The following RAB11FIP5 variants were observed in gnomAD, a reference collection of about 807,000 sequenced individuals.
The protein encoded by RAB11FIP5 is RAB11 family interacting protein 5.
RAB11FIP5 carries 48 observed loss-of-function variants against 85.1 expected under a neutral mutation model. That is an observed-to-expected ratio of 0.56 (90% CI 0.45 to 0.72). The LOEUF is 0.72. Ranked by LOEUF, RAB11FIP5 falls within the 30% of genes least tolerant of loss-of-function variation. The pLI is 0.00. For synonymous variants in RAB11FIP5, 729 were observed against 727.3 expected (o/e 1.00, Z -0.04); for missense variants, 1,491 against 1,687.0 (o/e 0.88, Z 2.04).
chr2:73,099,033 GT>G (rs112316838), intron 1 of RAB11FIP5, among the ~76,000 whole-genome samples: 2,526 of 136,026 alleles, frequency 0.019, 68 homozygotes, highest in African/African-American at 0.065. Flanking sequence ...ATGCTTTTTT[GT>G]TTTTTTTTTC....
In RAB11FIP5 at chr2:73,080,601, C is replaced by A. The variant is rs1272465468; in HGVS notation, c.2631G>T (p.Gly877=). ...PETVSPKGSE[G]LPPPEPEPKP... is the part of the protein sequence containing the mutation. Reference sequence around the variant, plus strand: ...TAGGCTCGGGCTCCGGTGGGGGAAGCCCCTCGCTCCCCTTGGGGCTCACAG... The same window carrying A: ...TAGGCTCGGGCTCCGGTGGGGGAAGACCCTCGCTCCCCTTGGGGCTCACAG... The change falls in exon 4 of 6, where the codon GGG becomes GGT. Residue 877 remains glycine, a synonymous_variant. Coordinates refer to ENST00000486777, the MANE Select transcript of RAB11FIP5 (RefSeq NM_001371272.1). The A allele has an allele frequency of 6.5e-6, 8 of 1,232,342 alleles. No homozygotes were observed. The highest frequency in any genetic ancestry group is 8.2e-5 in the South Asian group (2 of 24,328). The allele number at this position is 1,232,342 out of a possible 1,614,324, so 76.3% of individuals were successfully genotyped here. A position where few individuals can be genotyped will look rare whatever the true frequency, so the allele number is the denominator to read the frequency against.
intron 1 of RAB11FIP5, among the ~76,000 whole-genome samples, chr2:73,099,051 CTTTTTTT>C (rs1036385402): frequency 4.7e-5 from 5 of 105,880 alleles, no homozygotes; most frequent in Admixed American, 2.2e-4. Context: ...TTTCTTTTTT[CTTTTTTT>C]TTTTTTTTGA....
chr2:73,083,249 A>C (rs1684028369), intron 3 of RAB11FIP5, among the ~76,000 whole-genome samples: 1 of 152,158 alleles, frequency 6.6e-6, no homozygotes, highest in African/African-American at 2.4e-5. Context: ...CCCAGGGCCC[A>C]AAGAGGGCAG....
In RAB11FIP5 at chr2:73,086,699, C is replaced by G. The variant is rs1684094905; in HGVS notation, c.1568+1351G>C. ...GCTGTCACAGGGACACCAGGCTCAG[C>G]CTGGCATCTGGGAAAGGCCTGTCCC... On this transcript the variant is annotated intron_variant, in intron 3 of 5. Coordinates refer to ENST00000486777, the MANE Select transcript of RAB11FIP5 (RefSeq NM_001371272.1). The surrounding 1 kb of genome is among the most constrained non-coding windows in gnomAD (Gnocchi z 4.4). Among the ~76,000 whole-genome samples, 1 of 152,186 alleles carries G rather than the reference C, an allele frequency of 6.6e-6. No individual in the cohort carries two copies. Among genetic ancestry groups the G allele is most frequent in the Non-Finnish European group, 1.5e-5 (1 of 68,030 alleles).
chr2:73,112,007 T>C (rs1360210476), intron 1 of RAB11FIP5, among the ~76,000 whole-genome samples: 2 of 152,172 alleles, frequency 1.3e-5, no homozygotes, highest in African/African-American at 4.8e-5. Context: ...CCGGAGGTTC[T>C]AAGAACGGCC....
chr2:73,089,487 T>G lies in RAB11FIP5; in HGVS notation c.432-172A>C, dbSNP rs745418567. 21 of 737,334 alleles carry G rather than the reference T, an allele frequency of 2.8e-5. No homozygotes were observed. In the South Asian group the frequency reaches 3.0e-4, roughly 11 times the overall value. The allele number at this position is 737,334 out of a possible 1,614,324, so 45.7% of individuals were successfully genotyped here. A position where few individuals can be genotyped will look rare whatever the true frequency, so the allele number is the denominator to read the frequency against. ...TGGGCTTCCAGGCTTCAGATGCAGCTGAGAAACTATCCAAAACATTTCCAT... is the reference window on the plus strand; with the variant it reads ...TGGGCTTCCAGGCTTCAGATGCAGCGGAGAAACTATCCAAAACATTTCCAT... On this transcript the variant is annotated intron_variant, in intron 1 of 5. Coordinates refer to ENST00000486777, the MANE Select transcript of RAB11FIP5 (RefSeq NM_001371272.1). The surrounding 1 kb of genome is among the most constrained non-coding windows in gnomAD (Gnocchi z 4.6).
At chr2:73,101,241 T>G (rs904656651) in intron 1 of RAB11FIP5, among the ~76,000 whole-genome samples, 1 of 151,464 alleles carries the variant, frequency 6.6e-6, no homozygotes, top group African/African-American at 2.4e-5. Flanking sequence ...GGCTACAATG[T>G]GTGACAGTCT....
At position 73,089,882 on chromosome 2, in the gene RAB11FIP5, T is replaced by C. The variant is rs1011275691; in HGVS notation, c.432-567A>G. 4.1e-5 allele frequency among the ~76,000 whole-genome samples: 6 copies of C among 148,126 alleles called. No individual in the cohort carries two copies. Among genetic ancestry groups the C allele is most frequent in the African/African-American group, 1.0e-4 (4 of 40,146 alleles). Reference sequence around the variant, plus strand: ...GCTAGTGCATACACTCATGTATGTATACACACACACACACACACACACACA... The same window carrying C: ...GCTAGTGCATACACTCATGTATGTACACACACACACACACACACACACACA... On this transcript the variant is annotated intron_variant, in intron 1 of 5. Coordinates refer to ENST00000486777, the MANE Select transcript of RAB11FIP5 (RefSeq NM_001371272.1). This position sits in a 1 kb window ranked among gnomAD's most constrained non-coding sequence, Gnocchi z 4.6.
In RAB11FIP5 at chr2:73,075,574, T is replaced by G. The variant is rs770458403; in HGVS notation, c.3922A>C (p.Ile1308Leu). The G allele has an allele frequency of 6.2e-7, 1 of 1,614,070 alleles. No homozygotes were observed. The highest frequency in any genetic ancestry group is 8.5e-7 in the Non-Finnish European group (1 of 1,179,974). ...ESYIDRLLVR[I>L]METSPTLLQI... is the part of the protein sequence containing the mutation. Reference sequence around the variant, plus strand: ...AGCAGCGTGGGTGAGGTCTCCATGATCCGCACCAGCAGCCGGTCGATGTAG... The same window carrying G: ...AGCAGCGTGGGTGAGGTCTCCATGAGCCGCACCAGCAGCCGGTCGATGTAG... The change falls in exon 6 of 6, where the codon ATC becomes CTC. Residue 1308 changes from isoleucine (I) to leucine (L), a missense_variant. By Grantham distance (5) the Ile-to-Leu change is conservative (BLOSUM62 2). Coordinates refer to ENST00000486777, the MANE Select transcript of RAB11FIP5 (RefSeq NM_001371272.1). This position sits in a 1 kb window ranked among gnomAD's most constrained non-coding sequence, Gnocchi z 4.6.
chr2:73,092,942 G>C (rs1260743733), intron 1 of RAB11FIP5, among the ~76,000 whole-genome samples: 1 of 152,152 alleles, frequency 6.6e-6, no homozygotes, highest in Non-Finnish European at 1.5e-5. Flanking sequence ...AACCAGAGCA[G>C]ACCTTCTCCC....
At chr2:73,091,204 G>A (rs1010511737) in intron 1 of RAB11FIP5, among the ~76,000 whole-genome samples, 1 of 152,160 alleles carries the variant, frequency 6.6e-6, no homozygotes, top group Non-Finnish European at 1.5e-5. Flanking sequence ...ACAGACACAT[G>A]CCAACAGATA....
intron 3 of RAB11FIP5, among the ~76,000 whole-genome samples, 159 bp downstream of exon 3, chr2:73,087,891 C>T (rs955798498): frequency 6.6e-6 from 1 of 152,130 alleles, no homozygotes; most frequent in Non-Finnish European, 1.5e-5. Flanking sequence ...ACAGAACGAA[C>T]CTTGGCTTAG....
In RAB11FIP5 at chr2:73,076,023, A is replaced by G. The variant is rs1460199617; in HGVS notation, c.3741T>C (p.Ala1247=). The change falls in exon 5 of 6, where the codon GCT becomes GCC. Residue 1247 remains alanine (A), a synonymous_variant. Coordinates refer to ENST00000486777, the MANE Select transcript of RAB11FIP5 (RefSeq NM_001371272.1). Reference sequence around the variant, plus strand: ...GCCTTTTGGTGTCCACCATCTGGCCAGCCTGGGGGGCCTGGGTCACAGGCT... The same window carrying G: ...GCCTTTTGGTGTCCACCATCTGGCCGGCCTGGGGGGCCTGGGTCACAGGCT... ...SIQPVTQAPQ[A]GQMVDTKRLK... is the part of the protein sequence containing the mutation. The G allele has an allele frequency of 1.2e-6, 2 of 1,613,856 alleles. No individual in the cohort carries two copies. Among genetic ancestry groups the G allele is most frequent in the Non-Finnish European group, 1.7e-6 (2 of 1,179,864 alleles).
At chr2:73,098,455 G>A (rs1684365918) in intron 1 of RAB11FIP5, among the ~76,000 whole-genome samples, 1 of 152,356 alleles carries the variant, frequency 6.6e-6, no homozygotes, top group South Asian at 2.1e-4. Flanking sequence ...GGAGCGCTCA[G>A]AACAGGGCCC....
intron 1 of RAB11FIP5, among the ~76,000 whole-genome samples, chr2:73,105,038 T>C (rs1465410099): frequency 1.3e-5 from 2 of 152,170 alleles, no homozygotes; most frequent in Non-Finnish European, 2.9e-5. Flanking sequence ...AAATAGCAAA[T>C]GACTGTATTG....
At chr2:73,103,391 G>A (rs541967165) in intron 1 of RAB11FIP5, among the ~76,000 whole-genome samples, 33 of 152,232 alleles carry the variant, frequency 2.2e-4, no homozygotes, top group African/African-American at 7.7e-4. Context: ...TCCTAATGCT[G>A]TAGGCTCCAA....
At chr2:73,095,163 C>T (rs1461759097) in intron 1 of RAB11FIP5, among the ~76,000 whole-genome samples, 1 of 152,156 alleles carries the variant, frequency 6.6e-6, no homozygotes, top group African/African-American at 2.4e-5. Context: ...TTGAACTCTC[C>T]AAGGCCCAGC....
At chr2:73,103,018 C>T (rs776849976) in intron 1 of RAB11FIP5, among the ~76,000 whole-genome samples, 19 of 152,180 alleles carry the variant, frequency 1.2e-4, no homozygotes, top group Non-Finnish European at 2.2e-4. Flanking sequence ...TGCCTCCTCT[C>T]CTCTCCAAGT....
intron 1 of RAB11FIP5, among the ~76,000 whole-genome samples, chr2:73,090,299 C>T (rs1456202450): frequency 6.6e-6 from 1 of 152,180 alleles, no homozygotes. Context: ...GTGGCTGGGG[C>T]CCGCCCTACT....
Sources: allele counts gnomAD v4.1 joint callset (sites outside exome capture counted in the v4.1 genomes callset), GRCh38; gene constraint gnomAD v4.1.1; non-coding constraint Gnocchi (gnomAD v3.1); transcripts MANE v1.5; gene names NCBI Gene and HGNC (gene_info 2026-07-23, HGNC 2026-07-21).